ADGRE5: variants seen among roughly 807,000 people sequenced by gnomAD.
ADGRE5 encodes the protein adhesion G protein-coupled receptor E5.
A neutral mutation model predicts 100.3 loss-of-function variants in ADGRE5; 72 were observed. The ratio of observed to expected loss-of-function variants is 0.72; its 90% CI spans 0.59 to 0.87. The LOEUF is 0.87. Ranked by LOEUF, ADGRE5 falls within the 40% of genes least tolerant of loss-of-function variation. The pLI, the probability that ADGRE5 is intolerant of heterozygous loss-of-function variation, is 0.00. For missense variants in ADGRE5, 959 were observed against 1,094.7 expected, an observed-to-expected ratio of 0.88 and a Z score of 1.75; for synonymous variants, 439 against 447.8, an observed-to-expected ratio of 0.98 and a Z score of 0.25.
At chr19:14,398,245 A>T in intron 9 of ADGRE5, 106 bp downstream of exon 9, 1 of 960,456 alleles carries the variant, frequency 1.0e-6, no homozygotes, top group Non-Finnish European at 1.7e-6. Flanking sequence ...CTCTAGTCAG[A>T]GACACACATG....
At chr19:14,386,147 A>C (rs1285578330) in intron 1 of ADGRE5, among the ~76,000 whole-genome samples, 1 of 151,292 alleles carries the variant, frequency 6.6e-6, no homozygotes, top group Non-Finnish European at 1.5e-5. Flanking sequence ...TGGGAGGCCA[A>C]GGCAGGTGGA....
At position 14,406,798 on chromosome 19, in the gene ADGRE5, G is replaced by T; in HGVS notation, c.2115+32G>T. 2 of 1,612,680 alleles carry T rather than the reference G, an allele frequency of 1.2e-6. No homozygotes were observed. The highest frequency in any genetic ancestry group is 1.7e-6 in the Non-Finnish European group (2 of 1,178,700). ...ACCCACTCTCCCTCCACCGAAGCCC[G>T]AGCGCCACAGGCCCAGGCCCGGCTG... On this transcript the variant is annotated intron_variant, in intron 16 of 19. Transcript: ENST00000242786. The surrounding 1 kb of genome is among the most constrained non-coding windows in gnomAD (Gnocchi z 6.0).
intron 11 of ADGRE5, 114 bp from the exon 12 acceptor site, chr19:14,402,483 C>T: frequency 9.8e-7 from 1 of 1,023,850 alleles, no homozygotes; most frequent in Non-Finnish European, 1.5e-6. Flanking sequence ...TCGGGAGGGG[C>T]TCCTGGCGTC....
chr19:14,393,380 C>T (rs373791259), intron 4 of ADGRE5, among the ~76,000 whole-genome samples: 28 of 152,342 alleles, frequency 1.8e-4, no homozygotes, highest in African/African-American at 6.3e-4. Flanking sequence ...ACAGCCTTTG[C>T]TATGGTCTTG....
At chr19:14,398,674 CAAAAAAAAA>C (rs71164256) in intron 9 of ADGRE5, among the ~76,000 whole-genome samples, 1 of 53,096 alleles carries the variant, frequency 1.9e-5, no homozygotes. Context: ...GACTCTGTCT[CAAAAAAAAA>C]AAAAAAAAAA....
Position 14,405,951 on chromosome 19 carries a change from C to T in ADGRE5, c.1821+12C>T. 1.2e-6 allele frequency: 2 copies of T among 1,600,726 alleles called. No individual in the cohort carries two copies. Among genetic ancestry groups the T allele is most frequent in the Non-Finnish European group, 8.5e-7 (1 of 1,178,164 alleles). ...ACGAAGGCGGCCAGGTGAGGTCCCG[C>T]CCCGCTCCCTCCTGAGCTCTGGGGT... is the stretch of plus-strand genomic sequence containing the variant. On this transcript the variant is annotated intron_variant, in intron 14 of 19. Coordinates refer to ENST00000242786, the MANE Select transcript of ADGRE5 (RefSeq NM_078481.4).
In ADGRE5 at chr19:14,407,232, G is replaced by C. The variant is rs117878245; in HGVS notation, c.2376+3G>C. 14,724 of 1,613,868 alleles carry C rather than the reference G, an allele frequency of 9.1e-3. 83 individuals are homozygous for C. Among genetic ancestry groups the C allele is most frequent in the Non-Finnish European group, 0.011 (13,543 of 1,179,956 alleles). ...TGCACTGCCTGCTCAACAAGAAGGT[G>C]GGGGCCTGGGCACAGTGGCGCACGC... is the stretch of plus-strand genomic sequence containing the variant. On this transcript the variant is annotated splice_donor_region_variant and intron_variant, in intron 18 of 19. Transcript: ENST00000242786.
At position 14,407,117 on chromosome 19, in the gene ADGRE5, T is replaced by A. The variant is rs971471517; in HGVS notation, c.2264T>A (p.Phe755Tyr). 4 of 1,614,044 alleles carry A rather than the reference T, an allele frequency of 2.5e-6. No homozygotes were observed. In the African/African-American group the frequency reaches 4.0e-5, roughly 16 times the overall value. ...QLFLLGCTWV[F>Y]GLFIFDDRSL... Reference sequence around the variant, plus strand: ...TTCCTGTTGGGCTGCACCTGGGTCTTTGGCCTGTTCATCTTCGACGATCGG... The same window carrying A: ...TTCCTGTTGGGCTGCACCTGGGTCTATGGCCTGTTCATCTTCGACGATCGG... Residue 755 changes from phenylalanine (F) to tyrosine (Y), a missense_variant, in exon 18 of 20, where the codon TTT (phenylalanine) becomes TAT (tyrosine). Phe to Tyr is a conservative substitution (Grantham distance 22). Coordinates refer to ENST00000242786, the MANE Select transcript of ADGRE5 (RefSeq NM_078481.4).
Position 14,408,261 on chromosome 19 carries a change from G to A in ADGRE5, c.*140G>A. On this transcript the variant is annotated 3_prime_UTR_variant, in exon 20 of 20. Coordinates refer to ENST00000242786, the MANE Select transcript of ADGRE5 (RefSeq NM_078481.4). The stretch of plus-strand genomic sequence containing the variant: ...TCCCGTGTGCCACCAGGAGGGAGTG[G>A]CAGCTATAGTCTGGCACCAAAGTCC... 2.0e-6 allele frequency: 2 copies of A among 975,752 alleles called. No individual in the cohort carries two copies. The highest frequency in any genetic ancestry group is 3.2e-6 in the Non-Finnish European group (2 of 633,572). The allele number at this position is 975,752 out of a possible 1,614,324, so 60.4% of individuals were successfully genotyped here.
chr19:14,407,053 C>T lies in ADGRE5; in HGVS notation c.2208-8C>T, dbSNP rs759531861. On this transcript the variant is annotated splice_polypyrimidine_tract_variant and splice_region_variant and intron_variant, in intron 17 of 19. Coordinates refer to ENST00000242786, the MANE Select transcript of ADGRE5 (RefSeq NM_078481.4). ...TGGGGGCCCACGCTGCAACCCCGCT[C>T]CTCGCAGGGCGCTGACCATCACGGC... The T allele has an allele frequency of 1.2e-6, 2 of 1,613,998 alleles. No homozygotes were observed. Among genetic ancestry groups the T allele is most frequent in the Non-Finnish European group, 8.5e-7 (1 of 1,179,988 alleles).
At chr19:14,387,707 G>GAGACTGGAGTGAA (rs1975409235) in intron 1 of ADGRE5, among the ~76,000 whole-genome samples, 1 of 151,728 alleles carries the variant, frequency 6.6e-6, no homozygotes, top group Admixed American at 6.6e-5. Flanking sequence ...CAGCCTGGGT[G>GAGACTGGAGTGAA]ACAGAGTGAG....
chr19:14,381,469 G>A lies in ADGRE5; in HGVS notation c.-55G>A. 1 of 1,606,538 alleles carries A rather than the reference G, an allele frequency of 6.2e-7. No homozygotes were observed. Among genetic ancestry groups the A allele is most frequent in the Non-Finnish European group, 8.5e-7 (1 of 1,176,798 alleles). ...ACAGCTGCCTAGCCTGTGGAGACGGGACAGCCCTGTCCCACTCACTCTTTC... is the reference window on the plus strand; with the variant it reads ...ACAGCTGCCTAGCCTGTGGAGACGGAACAGCCCTGTCCCACTCACTCTTTC... On this transcript the variant is annotated 5_prime_UTR_variant, in exon 1 of 20. Transcript: ENST00000242786.
In ADGRE5 at chr19:14,406,024, C is replaced by G; in HGVS notation, c.1821+85C>G. ...GCCCCGCCCACTCCCGGGGCTCAGT[C>G]GGGTAGGCGGGCCCTGGAGGCATGA... On this transcript the variant is annotated intron_variant, in intron 14 of 19. Coordinates refer to ENST00000242786, the MANE Select transcript of ADGRE5 (RefSeq NM_078481.4). The surrounding 1 kb of genome is among the most constrained non-coding windows in gnomAD (Gnocchi z 6.0). 1 of 1,228,312 alleles carries G rather than the reference C, an allele frequency of 8.1e-7. No individual in the cohort carries two copies. Among genetic ancestry groups the G allele is most frequent in the Non-Finnish European group, 1.1e-6 (1 of 900,410 alleles). 76.1% of individuals were successfully genotyped at this position (1,228,312 alleles called of 1,614,324 possible).
At chr19:14,390,017 A>C (rs990409973) in intron 3 of ADGRE5, among the ~76,000 whole-genome samples, 1 of 150,438 alleles carries the variant, frequency 6.6e-6, no homozygotes, top group Non-Finnish European at 1.5e-5. Context: ...CGGAAGTTGC[A>C]GTGAGCCAAG....
intron 6 of ADGRE5, 35 bp downstream of exon 6, chr19:14,397,258 A>C: frequency 6.2e-7 from 1 of 1,613,786 alleles, no homozygotes; most frequent in Non-Finnish European, 8.5e-7. Context: ...CTAGCGACCC[A>C]CAAACATCTG....
rs763315591 is a variant in ADGRE5 at position 14,407,058 on chromosome 19, C to A, written c.2208-3C>A. The stretch of plus-strand genomic sequence containing the variant: ...GCCCACGCTGCAACCCCGCTCCTCG[C>A]AGGGCGCTGACCATCACGGCCATCG... On this transcript the variant is annotated splice_polypyrimidine_tract_variant and splice_region_variant and intron_variant, in intron 17 of 19. Transcript: ENST00000242786. The A allele has an allele frequency of 6.2e-6, 10 of 1,613,912 alleles. No homozygotes were observed. In the African/African-American group the frequency reaches 1.3e-4, roughly 22 times the overall value.
At position 14,401,336 on chromosome 19, in the gene ADGRE5, A is replaced by G; in HGVS notation, c.898-50A>G. The G allele has an allele frequency of 6.4e-7, 1 of 1,560,986 alleles. No homozygotes were observed. The highest frequency in any genetic ancestry group is 8.7e-7 in the Non-Finnish European group (1 of 1,145,676). On this transcript the variant is annotated intron_variant, in intron 9 of 19. Coordinates refer to ENST00000242786, the MANE Select transcript of ADGRE5 (RefSeq NM_078481.4). This position sits in a 1 kb window ranked among gnomAD's most constrained non-coding sequence, Gnocchi z 4.1. ...GGGGTGACATCCAGGTCCTTCAGGC[A>G]ACCCCTGTGGTCTGATGCTCCAGCG...
rs934856914 is a variant in ADGRE5, at chr19:14,401,857, G to A, written c.1183+97G>A. 7 of 807,152 alleles carry A rather than the reference G, an allele frequency of 8.7e-6. No homozygotes were observed. The highest frequency in any genetic ancestry group is 1.1e-5 in the Non-Finnish European group (6 of 544,538). 50.0% of individuals were successfully genotyped at this position (807,152 alleles called of 1,614,324 possible). A position where few individuals can be genotyped will look rare whatever the true frequency, so the allele number is the denominator to read the frequency against. On this transcript the variant is annotated intron_variant, in intron 11 of 19. Coordinates refer to ENST00000242786, the MANE Select transcript of ADGRE5 (RefSeq NM_078481.4). This position sits in a 1 kb window ranked among gnomAD's most constrained non-coding sequence, Gnocchi z 4.1. ...TTCAGAATAGAACAACTGACTGGGC[G>A]CGGTGGCTCACGCCTGCAATCCCAG... is the stretch of plus-strand genomic sequence containing the variant.
At chr19:14,396,853 T>C (rs891465723) in intron 5 of ADGRE5, among the ~76,000 whole-genome samples, 27 of 152,242 alleles carry the variant, frequency 1.8e-4, no homozygotes, top group African/African-American at 6.5e-4. Flanking sequence ...TCCCTTTTGG[T>C]TTCACCTCCT....
Sources: allele counts gnomAD v4.1 joint callset (sites outside exome capture counted in the v4.1 genomes callset), GRCh38; gene constraint gnomAD v4.1.1; non-coding constraint Gnocchi (gnomAD v3.1); transcripts MANE v1.5; gene names NCBI Gene and HGNC (gene_info 2026-07-23, HGNC 2026-07-21).